The following CA10 variants were observed in gnomAD, a reference collection of about 807,000 sequenced individuals.
The protein encoded by CA10 is carbonic anhydrase 10 (inactive).
In CA10, 14 loss-of-function variants were observed where a neutral mutation model predicts 44.2. The ratio of observed to expected loss-of-function variants is 0.32; its 90% confidence interval spans 0.21 to 0.50. The LOEUF is 0.50. Ranked by LOEUF, CA10 falls within the 20% of genes least tolerant of loss-of-function variation. The probability of loss-of-function intolerance (pLI) is 0.99; values close to 1 mark genes in which losing one functional copy is unlikely to be tolerated. For missense variants in CA10, 350 were observed against 409.7 expected (o/e 0.85, Z 1.26); for synonymous variants, 159 against 141.6 (o/e 1.12, Z -0.87).
Position 51,670,571 on chromosome 17 carries a change from C to G in CA10, c.466-16835G>C, listed in dbSNP as rs532371378. Among the ~76,000 whole-genome samples the G allele has an allele frequency of 1.4e-4, 21 of 152,036 alleles. No homozygotes were observed. The East Asian group carries it at 2.9e-3, about 21-fold the overall frequency. On this transcript the variant is annotated intron_variant, in intron 4 of 8. Coordinates refer to ENST00000451037, the MANE Select transcript of CA10 (RefSeq NM_020178.5). ...TTAATCTTCTCTTGTTGGGCCCTGG[C>G]TGAGGGGTTCAGTGATCCCTGAGCT... is the stretch of plus-strand genomic sequence containing the variant.
Position 51,635,916 on chromosome 17 carries a change from G to C in CA10, c.728C>G (p.Pro243Arg). 16 of 1,609,338 alleles carry C rather than the reference G, an allele frequency of 9.9e-6. No individual in the cohort carries two copies. Among genetic ancestry groups the C allele is most frequent in the Non-Finnish European group, 1.4e-5 (16 of 1,176,780 alleles). Residue 243 changes from proline (P) to arginine (R), a missense_variant, in exon 7 of 9, where the codon CCC (proline) becomes CGC (arginine). Coordinates refer to ENST00000451037, the MANE Select transcript of CA10 (RefSeq NM_020178.5). ...ITYDGSMTIP[P>R]CYETASWIIM... Reference sequence around the variant, plus strand: ...GATCCAACTTGCTGTCTCATAGCAGGGTGGGATAGTCATCGACCCATCGTA... The same window carrying C: ...GATCCAACTTGCTGTCTCATAGCAGCGTGGGATAGTCATCGACCCATCGTA...
chr17:51,646,798 T>C (rs1913357657), intron 6 of CA10, among the ~76,000 whole-genome samples: 1 of 152,210 alleles, frequency 6.6e-6, no homozygotes, highest in African/African-American at 2.4e-5. Context: ...TCTGCCGCAG[T>C]GTCCTGGGCA....
At chr17:51,649,662 T>C (rs1913480677) in intron 5 of CA10, among the ~76,000 whole-genome samples, 2 of 152,022 alleles carry the variant, frequency 1.3e-5, no homozygotes, top group Non-Finnish European at 2.9e-5. Context: ...TACACGGACA[T>C]GGGGAAGTGA....
chr17:51,966,055 C>A (rs1488885932), intron 2 of CA10, among the ~76,000 whole-genome samples: 1 of 151,882 alleles, frequency 6.6e-6, no homozygotes, highest in Non-Finnish European at 1.5e-5. Context: ...AAATCAGTAC[C>A]ATTTCTATAG....
chr17:51,961,348 T>TTA (rs1440170071), intron 2 of CA10, among the ~76,000 whole-genome samples: 2 of 152,050 alleles, frequency 1.3e-5, no homozygotes, highest in East Asian at 1.9e-4. Flanking sequence ...AAATACTGAA[T>TTA]TATAAGTGAA....
Position 52,084,889 on chromosome 17 carries a change from TAA to T in CA10, c.62-12498_62-12497del, listed in dbSNP as rs1276736487. Among the ~76,000 whole-genome samples the T allele has an allele frequency of 3.9e-5, 6 of 152,284 alleles. No individual in the cohort carries two copies. In the East Asian group the frequency reaches 7.7e-4, roughly 20 times the overall value. ...GGTTAATGAGATGTTAGAAAATGTA[TAA>T]GAGTTCCAGGAAGTGCTAAAAGAAA... is the stretch of plus-strand genomic sequence containing the variant. On this transcript the variant is annotated intron_variant, in intron 1 of 8. Transcript: ENST00000451037.
intron 2 of CA10, among the ~76,000 whole-genome samples, chr17:52,014,859 T>C (rs1736892933): frequency 6.6e-6 from 1 of 152,056 alleles, no homozygotes. Flanking sequence ...AAAACAAAGA[T>C]ATCTATTCAC....
At chr17:51,958,545 C>G (rs76730689) in intron 2 of CA10, among the ~76,000 whole-genome samples, 3,008 of 152,200 alleles carry the variant, frequency 0.02, 31 homozygotes, top group Non-Finnish European at 0.027. Flanking sequence ...AAACACTAGA[C>G]AGGGAATATA....
intron 4 of CA10, among the ~76,000 whole-genome samples, chr17:51,676,235 T>G (rs774465028): frequency 2.0e-5 from 3 of 152,236 alleles, no homozygotes; most frequent in Non-Finnish European, 2.9e-5. Context: ...TGAGCACTTA[T>G]GTGTGCCAGG....
At chr17:51,985,428 G>A (rs1456790266) in intron 2 of CA10, among the ~76,000 whole-genome samples, 1 of 151,932 alleles carries the variant, frequency 6.6e-6, no homozygotes, top group East Asian at 1.9e-4. Context: ...AACGTTGAAA[G>A]GATTTCCTCT....
intron 1 of CA10, among the ~76,000 whole-genome samples, chr17:52,120,405 C>T (rs901489380): frequency 1.3e-5 from 2 of 149,752 alleles, no homozygotes; most frequent in Admixed American, 1.3e-4. Context: ...TATTGGTCTT[C>T]ATCCTTAACC....
intron 3 of CA10, among the ~76,000 whole-genome samples, chr17:51,827,332 GCACACACACACA>G (rs35515561): frequency 6.8e-6 from 1 of 147,670 alleles, no homozygotes; most frequent in Non-Finnish European, 1.5e-5. Context: ...AGAGAAACAC[GCACACACACACA>G]CACACACACA....
intron 3 of CA10, among the ~76,000 whole-genome samples, chr17:51,759,385 T>C (rs1033006688): frequency 2.3e-4 from 34 of 150,194 alleles, no homozygotes; most frequent in African/African-American, 7.5e-4. Flanking sequence ...TGTGTGTGTG[T>C]GTGTGCTTAA....
At chr17:51,947,051 A>AG (rs1448018818) in intron 2 of CA10, among the ~76,000 whole-genome samples, 3 of 152,102 alleles carry the variant, frequency 2.0e-5, no homozygotes, top group African/African-American at 7.2e-5. Context: ...AACAGTAAAA[A>AG]CAAAAATATG....
At chr17:51,693,300 A>C (rs1286469067) in intron 4 of CA10, among the ~76,000 whole-genome samples, 1 of 152,190 alleles carries the variant, frequency 6.6e-6, no homozygotes, top group East Asian at 1.9e-4. Flanking sequence ...CTGGTTTAGA[A>C]CAGTTTAGAC....
chr17:51,914,724 G>T (rs1981926521), intron 3 of CA10, among the ~76,000 whole-genome samples: 1 of 152,134 alleles, frequency 6.6e-6, no homozygotes, highest in South Asian at 2.1e-4. Context: ...GATATAGATG[G>T]AATGTATTTC....
chr17:51,980,811 G>A (rs1303098488), intron 2 of CA10, among the ~76,000 whole-genome samples: 2 of 152,010 alleles, frequency 1.3e-5, no homozygotes, highest in Non-Finnish European at 2.9e-5. Flanking sequence ...CAGCTTTGTT[G>A]AAGATCAGAT....
intron 3 of CA10, among the ~76,000 whole-genome samples, chr17:51,817,169 C>G (rs900607775): frequency 3.3e-5 from 5 of 152,132 alleles, no homozygotes; most frequent in Non-Finnish European, 5.9e-5. Context: ...AAATGCACAA[C>G]AGATGAAGGG....
At chr17:51,759,348 C>A (rs903470414) in intron 3 of CA10, among the ~76,000 whole-genome samples, 4 of 133,904 alleles carry the variant, frequency 3.0e-5, no homozygotes, top group Non-Finnish European at 4.7e-5. Context: ...GTTGAGTACA[C>A]TTCTTTGCTC....
Sources: allele counts gnomAD v4.1 joint callset (sites outside exome capture counted in the v4.1 genomes callset), GRCh38; gene constraint gnomAD v4.1.1; transcripts MANE v1.5; gene names NCBI Gene and HGNC (gene_info 2026-07-23, HGNC 2026-07-21).